CAPN13: variants seen among roughly 807,000 people sequenced by gnomAD.
CAPN13 encodes calpain 13.
In CAPN13, 90 loss-of-function variants were observed where a neutral mutation model predicts 98.4. That is an observed-to-expected ratio of 0.92 (90% CI 0.77 to 1.09). The LOEUF is 1.09. CAPN13 is among the 50% of genes least tolerant of loss of function. The pLI, the probability that CAPN13 is intolerant of heterozygous loss-of-function variation, is 0.00. For missense variants in CAPN13, 887 were observed against 841.3 expected (o/e 1.05, Z -0.67); for synonymous variants, 330 against 305.5 (o/e 1.08, Z -0.84).
At chr2:30,800,115 GAAAAGAAAGAAA>G (rs1675122966) in intron 1 of CAPN13, among the ~76,000 whole-genome samples, 1 of 54,718 alleles carries the variant, frequency 1.8e-5, no homozygotes, top group Non-Finnish European at 3.8e-5. Context: ...AGAAAAGAAA[GAAAAGAAAGAAA>G]GAAAGAAAGA....
At chr2:30,800,420 A>T (rs957815485) in intron 1 of CAPN13, among the ~76,000 whole-genome samples, 1 of 152,200 alleles carries the variant, frequency 6.6e-6, no homozygotes, top group Non-Finnish European at 1.5e-5. Flanking sequence ...CTCTTCCTGA[A>T]TCATAGCTCA....
rs116814847 is a variant in CAPN13, at chr2:30,770,296, G to A, written c.524+17C>T. On this transcript the variant is annotated intron_variant, in intron 5 of 22. Transcript: ENST00000295055. ...GCACTGAAACTCTGGGCTGATGGGT[G>A]GCGGGGTTGTACTTACTTGGCATAG... The A allele has an allele frequency of 6.9e-4, 1,109 of 1,612,334 alleles. 6 individuals carry two copies. The African/African-American group carries it at 0.013, about 19-fold the overall frequency.
intron 2 of CAPN13, among the ~76,000 whole-genome samples, chr2:30,786,587 T>C (rs1201576920): frequency 1.3e-5 from 2 of 152,154 alleles, no homozygotes; most frequent in African/African-American, 4.8e-5. Context: ...TTAAAGTTAA[T>C]GTCTAAAATT....
intron 11 of CAPN13, chr2:30,746,615 C>A: frequency 5.0e-6 from 1 of 198,958 alleles, no homozygotes; most frequent in South Asian, 9.5e-5. Context: ...ATTTGGTGAT[C>A]TGCTGGGTGT....
At chr2:30,740,509 G>A (rs932340940) in intron 15 of CAPN13, among the ~76,000 whole-genome samples, 1 of 152,354 alleles carries the variant, frequency 6.6e-6, no homozygotes, top group African/African-American at 2.4e-5. Context: ...CAGACCCTGA[G>A]GACAGTTTGT....
chr2:30,780,117 G>T (rs1047004569), intron 2 of CAPN13, among the ~76,000 whole-genome samples: 1 of 152,166 alleles, frequency 6.6e-6, no homozygotes, highest in African/African-American at 2.4e-5. Flanking sequence ...TAACAGCCTT[G>T]GAATAGTATT....
In CAPN13 at chr2:30,750,983, G is replaced by A; in HGVS notation, c.1236+120C>T. On this transcript the variant is annotated intron_variant, in intron 11 of 22. Transcript: ENST00000295055. Reference sequence around the variant, plus strand: ...ACTGCATGAATGCTACAGCCTCTTTGGGCTTTATCTCCAAGGCTGTGGTGC... The same window carrying A: ...ACTGCATGAATGCTACAGCCTCTTTAGGCTTTATCTCCAAGGCTGTGGTGC... 5 of 1,136,190 alleles carry A rather than the reference G, an allele frequency of 4.4e-6. No individual in the cohort carries two copies. In the South Asian group the frequency reaches 7.8e-5, roughly 18 times the overall value. The allele number at this position is 1,136,190 out of a possible 1,614,324, so 70.4% of individuals were successfully genotyped here. A position where few individuals can be genotyped will look rare whatever the true frequency, so the allele number is the denominator to read the frequency against.
At chr2:30,760,941 C>T (rs779497473) in intron 7 of CAPN13, among the ~76,000 whole-genome samples, 1 of 152,246 alleles carries the variant, frequency 6.6e-6, no homozygotes, top group Non-Finnish European at 1.5e-5. Flanking sequence ...GAGTTATCTA[C>T]CCTGCAGTAG....
intron 1 of CAPN13, 145 bp from the exon 2 acceptor site, chr2:30,787,502 T>A (rs1437202786): frequency 1.7e-6 from 1 of 576,744 alleles, no homozygotes. Context: ...GCACAGTCAG[T>A]GAGCCTGAAC....
At chr2:30,763,364 C>G (rs1372690456) in intron 6 of CAPN13, among the ~76,000 whole-genome samples, 1 of 152,206 alleles carries the variant, frequency 6.6e-6, no homozygotes, top group African/African-American at 2.4e-5. Flanking sequence ...CAGGGCACCA[C>G]CCCCATGAGT....
Position 30,730,777 on chromosome 2 carries a change from G to A in CAPN13, c.1993C>T (p.Leu665=), listed in dbSNP as rs764769112. The change falls in exon 22 of 23, where the codon CTG becomes TTG. Residue 665 remains leucine (L), a synonymous_variant. Coordinates refer to ENST00000295055, the MANE Select transcript of CAPN13 (RefSeq NM_144575.3). ...TCTTTGCTTCAGTTGTACATGACCA[G>A]GCTCATCCACTGAAAAATAAGCATC... ...LYLTEMEWMS[L]VMYN is the part of the protein sequence containing the mutation. 5.1e-6 allele frequency: 4 copies of A among 780,698 alleles called. No individual in the cohort carries two copies. The African/African-American group carries it at 6.8e-5, about 13-fold the overall frequency. The allele number at this position is 780,698 out of a possible 1,614,324, so 48.4% of individuals were successfully genotyped here.
intron 6 of CAPN13, among the ~76,000 whole-genome samples, chr2:30,763,414 C>G (rs891363275): frequency 6.6e-6 from 1 of 152,220 alleles, no homozygotes; most frequent in African/African-American, 2.4e-5. Flanking sequence ...GGGTTACTCT[C>G]TCCACCAACC....
chr2:30,800,116 AAAAG>A (rs60233900), intron 1 of CAPN13, among the ~76,000 whole-genome samples: 15,191 of 85,470 alleles, frequency 0.18, 1,139 homozygotes, highest in Middle Eastern at 0.23. Context: ...GAAAAGAAAG[AAAAG>A]AAAGAAAGAA....
intron 22 of CAPN13, among the ~76,000 whole-genome samples, chr2:30,726,903 G>A: frequency 6.6e-6 from 1 of 152,226 alleles, no homozygotes; most frequent in East Asian, 1.9e-4. Context: ...GTCTTGAAAA[G>A]TAAAATAAAG....
intron 13 of CAPN13, chr2:30,743,006 C>CT: frequency 3.7e-6 from 1 of 267,726 alleles, no homozygotes; most frequent in Non-Finnish European, 7.2e-6. Flanking sequence ...GCCATTCATG[C>CT]TTTTTTCTTC....
intron 1 of CAPN13, among the ~76,000 whole-genome samples, chr2:30,789,800 T>C (rs1230383766): frequency 6.6e-6 from 1 of 152,242 alleles, no homozygotes; most frequent in Non-Finnish European, 1.5e-5. Flanking sequence ...AGGAAAGGAC[T>C]GTGCAGAGGC....
At position 30,751,249 on chromosome 2, in the gene CAPN13, C is replaced by A; in HGVS notation, c.1090G>T (p.Gly364Ter). 3 of 1,613,796 alleles carry A rather than the reference C, an allele frequency of 1.9e-6. No homozygotes were observed. The highest frequency in any genetic ancestry group is 2.5e-6 in the Non-Finnish European group (3 of 1,179,774). Residue 364 changes from glycine to a stop codon, truncating the protein, a stop_gained and splice_region_variant, in exon 11 of 23, where the codon GGA becomes TGA. Coordinates refer to ENST00000295055, the MANE Select transcript of CAPN13 (RefSeq NM_144575.3). LOFTEE classifies it high-confidence loss of function. ...TTGAATTGAGCATCATTCCGAGGTC[C>A]TCCTGCATCAGAAAGAGCTGTTACT... is the stretch of plus-strand genomic sequence containing the variant. ...KQVILGNTAG[G>*]PRNDAQFNFS...
At position 30,775,959 on chromosome 2, in the gene CAPN13, G is replaced by A. The variant is rs776005882; in HGVS notation, c.358C>T (p.His120Tyr). 3 of 1,611,700 alleles carry A rather than the reference G, an allele frequency of 1.9e-6. No individual in the cohort carries two copies. Among genetic ancestry groups the A allele is most frequent in the East Asian group, 4.5e-5 (2 of 44,776 alleles). Residue 120 changes from histidine (H) to tyrosine (Y), a missense_variant, in exon 4 of 23, where the codon CAC (histidine) becomes TAC (tyrosine). Coordinates refer to ENST00000295055, the MANE Select transcript of CAPN13 (RefSeq NM_144575.3). ...AAACGGAAAATGCCAGCATACTGGT[G>A]TGAAAAGCTTTGGACCATCAGGATC... ...QKILMVQSFS[H>Y]QYAGIFRFRF...
At chr2:30,780,716 C>T (rs1042589643) in intron 2 of CAPN13, among the ~76,000 whole-genome samples, 1 of 152,194 alleles carries the variant, frequency 6.6e-6, no homozygotes, top group African/African-American at 2.4e-5. Flanking sequence ...TTCTATGTCT[C>T]CTGTCCTCTA....
Sources: allele counts gnomAD v4.1 joint callset (sites outside exome capture counted in the v4.1 genomes callset), GRCh38; gene constraint gnomAD v4.1.1; transcripts MANE v1.5; gene names NCBI Gene and HGNC (gene_info 2026-07-23, HGNC 2026-07-21).